CLEC1A: variants seen among roughly 807,000 people sequenced by gnomAD.
CLEC1A encodes the protein C-type lectin-like receptor-1.
In CLEC1A, 34 loss-of-function variants were observed where a neutral mutation model predicts 28.7. The observed-to-expected ratio is 1.18, with a 90% CI of 0.90 to 1.57. The LOEUF (loss-of-function observed/expected upper bound fraction) is 1.57. Ranked by LOEUF, CLEC1A falls within the 40% of genes most tolerant of loss-of-function variation. The pLI is 0.00. For missense variants in CLEC1A, 385 were observed against 339.5 expected (o/e 1.13, Z -1.05); for synonymous variants, 116 against 121.0 (o/e 0.96, Z 0.27).
Position 10,097,313 on chromosome 12 carries a change from A to T in CLEC1A, c.115+1495T>A, listed in dbSNP as rs149556719. Among the ~76,000 whole-genome samples, 8 of 152,314 alleles carry T rather than the reference A, an allele frequency of 5.3e-5. 2 individuals carry two copies. The highest frequency in any genetic ancestry group is 1.9e-4 in the African/African-American group (8 of 41,576). On this transcript the variant is annotated intron_variant, in intron 1 of 5. Coordinates refer to ENST00000315330, the MANE Select transcript of CLEC1A (RefSeq NM_016511.4). ...GTATCACATCATTATGTTGAATCTG[A>T]ATCCTCCACATTGCCGAAAATTTCT... is the stretch of plus-strand genomic sequence containing the variant.
chr12:10,078,022 A>G (rs375315136), intron 3 of CLEC1A, among the ~76,000 whole-genome samples: 1 of 152,242 alleles, frequency 6.6e-6, no homozygotes, highest in African/African-American at 2.4e-5. Flanking sequence ...TCACACATCA[A>G]TTTATATCCC....
rs1565597050 is a variant in CLEC1A, at chr12:10,071,441, GAA to G, written c.733_734del (p.Phe245LeufsTer13). The G allele has an allele frequency of 1.9e-6, 3 of 1,613,958 alleles. No individual in the cohort carries two copies. Among genetic ancestry groups the G allele is most frequent in the Admixed American group, 1.7e-5 (1 of 60,002 alleles). ...GCTTCAATTCTTTGCAGTCCTTTGA[GAA>G]GATCATCCCATTAAGGATGGCCACA... ...DCVAILNGMI[F>X]SKDCKELKRC... On this transcript the variant is annotated frameshift_variant, in exon 6 of 6. Transcript: ENST00000315330. LOFTEE classifies it low-confidence loss of function (END_TRUNC).
chr12:10,081,589 C>A lies in CLEC1A; in HGVS notation c.215-176G>T, dbSNP rs1056545440. Among the ~76,000 whole-genome samples the A allele has an allele frequency of 1.0e-4, 15 of 146,460 alleles. 1 individual carries two copies. The highest frequency in any genetic ancestry group is 3.0e-4 in the African/African-American group (12 of 39,634). ...ATATGAGAAGTTGTATCACCTTGGG[C>A]AAATTAATTTCTTTAAGTCTGTCTA... On this transcript the variant is annotated intron_variant, in intron 2 of 5. Coordinates refer to ENST00000315330, the MANE Select transcript of CLEC1A (RefSeq NM_016511.4).
At chr12:10,097,063 T>A (rs1028064870) in intron 1 of CLEC1A, among the ~76,000 whole-genome samples, 1 of 152,208 alleles carries the variant, frequency 6.6e-6, no homozygotes, top group Admixed American at 6.5e-5. Flanking sequence ...AGTACTAGGA[T>A]AACATGACCC....
intron 1 of CLEC1A, among the ~76,000 whole-genome samples, chr12:10,092,001 A>C (rs185496011): frequency 1.9e-5 from 2 of 107,098 alleles, no homozygotes; most frequent in East Asian, 4.0e-4. Flanking sequence ...ATTTAAATAA[A>C]TGAATGAATA....
intron 1 of CLEC1A, among the ~76,000 whole-genome samples, chr12:10,089,499 A>G (rs1866569844): frequency 1.3e-5 from 2 of 151,948 alleles, no homozygotes; most frequent in South Asian, 2.1e-4. Flanking sequence ...CATTACCATT[A>G]TCTTTATGTG....
At chr12:10,097,545 C>G (rs1295407020) in intron 1 of CLEC1A, among the ~76,000 whole-genome samples, 1 of 152,162 alleles carries the variant, frequency 6.6e-6, no homozygotes, top group East Asian at 1.9e-4. Context: ...TCTACTGTTT[C>G]AATATCCATT....
intron 1 of CLEC1A, among the ~76,000 whole-genome samples, chr12:10,095,153 G>C (rs1025618471): frequency 6.6e-6 from 1 of 152,086 alleles, no homozygotes; most frequent in Non-Finnish European, 1.5e-5. Context: ...TGTTGAATCA[G>C]TTAACAGCGA....
At position 10,071,413 on chromosome 12, in the gene CLEC1A, A is replaced by T. The variant is rs747130047; in HGVS notation, c.763T>A (p.Cys255Ser). The change falls in exon 6 of 6, where the codon TGT (cysteine) becomes AGT (serine). Residue 255 changes from cysteine (C) to serine (S), a missense_variant. Transcript: ENST00000315330. The part of the protein sequence containing the change: ...FSKDCKELKR[C>S]VCERRAGMVK... ...ATTCCTGCCCTTCTCTCACAGACAC[A>T]ACGCTTCAATTCTTTGCAGTCCTTT... The T allele has an allele frequency of 8.1e-6, 13 of 1,614,004 alleles. No homozygotes were observed. Among genetic ancestry groups the T allele is most frequent in the Non-Finnish European group, 1.0e-5 (12 of 1,179,904 alleles).
intron 2 of CLEC1A, among the ~76,000 whole-genome samples, chr12:10,081,767 G>C (rs1866376851): frequency 6.6e-6 from 1 of 151,216 alleles, no homozygotes; most frequent in Non-Finnish European, 1.5e-5. Context: ...AGAATGCACA[G>C]ATCCTTTGAA....
At chr12:10,075,725 A>G (rs766257398) in intron 3 of CLEC1A, 70 bp from the exon 4 acceptor site, 8 of 1,359,326 alleles carry the variant, frequency 5.9e-6, no homozygotes, top group Non-Finnish European at 8.2e-6. Context: ...GAAATTATAT[A>G]GTATTTGATG....
chr12:10,081,486 G>C (rs968454842), intron 2 of CLEC1A, 73 bp from the exon 3 acceptor site: 58 of 1,252,344 alleles, frequency 4.6e-5, no homozygotes, highest in Admixed American at 3.3e-4. Context: ...TTATGGGGAA[G>C]ACAAAACAGT....
intron 1 of CLEC1A, among the ~76,000 whole-genome samples, chr12:10,097,145 T>G (rs1565610236): frequency 6.6e-6 from 1 of 152,232 alleles, no homozygotes; most frequent in Non-Finnish European, 1.5e-5. Flanking sequence ...TTTGGCATTT[T>G]TACTATCTTA....
At chr12:10,082,028 C>A (rs541128597) in intron 2 of CLEC1A, among the ~76,000 whole-genome samples, 6 of 152,316 alleles carry the variant, frequency 3.9e-5, no homozygotes, top group South Asian at 2.1e-4. Context: ...CCAGGGAAGC[C>A]ATCCCTGACT....
chr12:10,081,727 C>T (rs1224219283), intron 2 of CLEC1A, among the ~76,000 whole-genome samples: 1 of 150,910 alleles, frequency 6.6e-6, no homozygotes, highest in Non-Finnish European at 1.5e-5. Context: ...CCTCCAGGAA[C>T]CACCTCAGGA....
At chr12:10,096,480 A>G (rs1267584370) in intron 1 of CLEC1A, among the ~76,000 whole-genome samples, 2 of 152,208 alleles carry the variant, frequency 1.3e-5, no homozygotes, top group Non-Finnish European at 2.9e-5. Context: ...CAGCACATGC[A>G]GTTTCATATA....
chr12:10,077,544 A>G (rs1866277324), intron 3 of CLEC1A, among the ~76,000 whole-genome samples: 1 of 152,168 alleles, frequency 6.6e-6, no homozygotes. Context: ...TAGGAAAAAT[A>G]AAATACTAAT....
chr12:10,075,401 A>G, intron 4 of CLEC1A, 103 bp downstream of exon 4: 1 of 1,283,382 alleles, frequency 7.8e-7, no homozygotes, highest in East Asian at 2.3e-5. Flanking sequence ...ACAGGTTCGA[A>G]AACCTGTGGA....
intron 3 of CLEC1A, among the ~76,000 whole-genome samples, chr12:10,078,116 T>C (rs1291849685): frequency 6.6e-6 from 1 of 152,224 alleles, no homozygotes; most frequent in Non-Finnish European, 1.5e-5. Flanking sequence ...CCATCTCTTA[T>C]CTGATTTCTC....
Sources: allele counts gnomAD v4.1 joint callset (sites outside exome capture counted in the v4.1 genomes callset), GRCh38; gene constraint gnomAD v4.1.1; transcripts MANE v1.5; gene names NCBI Gene and HGNC (gene_info 2026-07-23, HGNC 2026-07-21).